Variants in DLG1 observed in about 807,000 individuals in gnomAD.
The protein encoded by DLG1 is disks large homolog 1.
In DLG1, 42 loss-of-function variants were observed where a neutral mutation model predicts 123.4. The ratio of observed to expected loss-of-function variants is 0.34; its 90% CI spans 0.27 to 0.44. The LOEUF (loss-of-function observed/expected upper bound fraction) is 0.44, where lower values mean the gene tolerates loss of function less well. DLG1 is among the 20% of genes least tolerant of loss of function. The pLI is 1.00. For missense variants in DLG1, 942 were observed against 1,082.6 expected (o/e 0.87, Z 1.82); for synonymous variants, 317 against 356.2 (o/e 0.89, Z 1.24).
intron 4 of DLG1, among the ~76,000 whole-genome samples, chr3:197,254,346 C>G (rs1337136220): frequency 6.6e-6 from 1 of 152,232 alleles, no homozygotes; most frequent in Non-Finnish European, 1.5e-5. Flanking sequence ...CTCCCACCCT[C>G]ATGACAGCTG....
intron 5 of DLG1, among the ~76,000 whole-genome samples, chr3:197,167,513 T>C (rs1422719668): frequency 6.6e-6 from 1 of 152,062 alleles, no homozygotes; most frequent in Non-Finnish European, 1.5e-5. Flanking sequence ...GTAATGAGAG[T>C]ACAATACTTC....
At chr3:197,072,538 C>G (rs769348887) in intron 18 of DLG1, among the ~76,000 whole-genome samples, 2 of 152,022 alleles carry the variant, frequency 1.3e-5, no homozygotes, top group African/African-American at 2.4e-5. Context: ...ATTTGCTTAT[C>G]TTCTGAGCAC....
At chr3:197,172,661 A>C (rs542585914) in intron 5 of DLG1, among the ~76,000 whole-genome samples, 35 of 152,288 alleles carry the variant, frequency 2.3e-4, no homozygotes, top group African/African-American at 7.0e-4. Context: ...ACTTTCATGC[A>C]ATATACATAG....
At chr3:197,067,552 T>G (rs1407676132) in intron 19 of DLG1, among the ~76,000 whole-genome samples, 6 of 15,382 alleles carry the variant, frequency 3.9e-4, no homozygotes, top group African/African-American at 1.7e-3. Context: ...ACTCTGAGAG[T>G]TTTTTTTTTT....
intron 14 of DLG1, among the ~76,000 whole-genome samples, chr3:197,100,248 A>T (rs1300864523): frequency 1.3e-5 from 2 of 152,210 alleles, no homozygotes; most frequent in Non-Finnish European, 2.9e-5. Context: ...TTTGGTTGGT[A>T]TAAGAAGTAA....
intron 4 of DLG1, among the ~76,000 whole-genome samples, chr3:197,257,796 C>T (rs1757511634): frequency 6.6e-6 from 1 of 152,108 alleles, no homozygotes; most frequent in African/African-American, 2.4e-5. Flanking sequence ...AGAAAATATA[C>T]CATATATAAC....
At chr3:197,263,815 T>C (rs1297284824) in intron 4 of DLG1, among the ~76,000 whole-genome samples, 3 of 152,010 alleles carry the variant, frequency 2.0e-5, no homozygotes, top group African/African-American at 7.2e-5. Flanking sequence ...AGAAAAGAAA[T>C]GTCTCAAATA....
intron 24 of DLG1, among the ~76,000 whole-genome samples, chr3:197,050,542 T>A (rs1440471241): frequency 6.6e-6 from 1 of 152,212 alleles, no homozygotes; most frequent in East Asian, 1.9e-4. Context: ...TGAGTGAATG[T>A]GGAGGACCTT....
In DLG1 at chr3:197,249,518, T is replaced by C. The variant is rs572624187; in HGVS notation, c.318+33161A>G. On this transcript the variant is annotated intron_variant, in intron 4 of 24. Coordinates refer to ENST00000667157, the MANE Select transcript of DLG1 (RefSeq NM_001366207.1). ...TCCTAATAAATTCTACCAGTTCTAC[T>C]CAAACTCTTTAAAAAAAAAATCGAA... 3.9e-5 allele frequency among the ~76,000 whole-genome samples: 6 copies of C among 152,084 alleles called. No individual in the cohort carries two copies. In the South Asian group the frequency reaches 1.0e-3, roughly 26 times the overall value.
intron 5 of DLG1, among the ~76,000 whole-genome samples, chr3:197,167,432 C>G (rs573633139): frequency 2.0e-5 from 3 of 152,240 alleles, no homozygotes; most frequent in Non-Finnish European, 2.9e-5. Flanking sequence ...CAGACAATAT[C>G]TGAATCAAGT....
chr3:197,148,979 T>C (rs1214216898), intron 6 of DLG1, among the ~76,000 whole-genome samples: 1 of 152,228 alleles, frequency 6.6e-6, no homozygotes, highest in Admixed American at 6.5e-5. Context: ...ATGTTTAAGA[T>C]GTATTAATTG....
chr3:197,133,649 A>G (rs1395154103), intron 10 of DLG1, among the ~76,000 whole-genome samples: 2 of 152,246 alleles, frequency 1.3e-5, no homozygotes, highest in African/African-American at 4.8e-5. Flanking sequence ...CTACACATTA[A>G]GAAACAGTGA....
At chr3:197,154,027 G>T (rs1795186582) in intron 5 of DLG1, among the ~76,000 whole-genome samples, 1 of 152,134 alleles carries the variant, frequency 6.6e-6, no homozygotes, top group African/African-American at 2.4e-5. Flanking sequence ...ATAAGGCTGG[G>T]TGTGGTGGCT....
At chr3:197,296,535 T>G in intron 2 of DLG1, 58 bp from the exon 3 acceptor site, 1 of 1,501,658 alleles carries the variant, frequency 6.7e-7, no homozygotes, top group African/African-American at 1.4e-5. Flanking sequence ...AAGTATCACA[T>G]ACTAGTGCAA....
intron 4 of DLG1, among the ~76,000 whole-genome samples, chr3:197,234,266 CA>C (rs746392654): frequency 1.1e-4 from 16 of 152,250 alleles, no homozygotes; most frequent in Non-Finnish European, 1.8e-4. Context: ...GACAGGCTTA[CA>C]ACCCCAGATG....
intron 10 of DLG1, among the ~76,000 whole-genome samples, chr3:197,131,018 T>A (rs1269948394): frequency 1.3e-5 from 2 of 152,200 alleles, no homozygotes; most frequent in Non-Finnish European, 2.9e-5. Flanking sequence ...TTTGTTTTTA[T>A]GTTAGGATTT....
At chr3:197,226,885 T>C (rs1740256355) in intron 4 of DLG1, among the ~76,000 whole-genome samples, 1 of 152,234 alleles carries the variant, frequency 6.6e-6, no homozygotes, top group Non-Finnish European at 1.5e-5. Flanking sequence ...AAAGCTATCA[T>C]TAACTAATTA....
chr3:197,047,391 T>TTAAG (rs1271603206), intron 24 of DLG1, among the ~76,000 whole-genome samples: 4 of 152,184 alleles, frequency 2.6e-5, no homozygotes, highest in Non-Finnish European at 5.9e-5. Flanking sequence ...TAACTTCTAT[T>TTAAG]TAAGTCTGAA....
intron 15 of DLG1, among the ~76,000 whole-genome samples, chr3:197,090,711 C>T (rs1407483623): frequency 6.6e-6 from 1 of 151,984 alleles, no homozygotes; most frequent in Non-Finnish European, 1.5e-5. Context: ...GATTACATAA[C>T]TTTCATTAAT....
Sources: gnomAD v4.1 joint callset for allele counts (sites outside exome capture counted in the v4.1 genomes callset) on GRCh38, gnomAD v4.1.1 for gene constraint, MANE v1.5 for transcripts, NCBI Gene and HGNC (gene_info 2026-07-23, HGNC 2026-07-21) for gene names.